CRADD: variants seen among roughly 807,000 people sequenced by gnomAD.
The protein encoded by CRADD is CARD and death domain containing adaptor protein, also known as death domain-containing protein CRADD.
In CRADD, 9 loss-of-function variants were observed where a neutral mutation model predicts 15.5. The observed-to-expected ratio is 0.58, with a 90% CI of 0.35 to 1.01. The LOEUF is 1.01. CRADD is among the 50% of genes least tolerant of loss of function. The probability of loss-of-function intolerance (pLI) is 0.02; values close to 1 mark genes in which losing one functional copy is unlikely to be tolerated. For synonymous variants in CRADD, 118 were observed against 107.6 expected, an observed-to-expected ratio of 1.10 and a Z score of -0.60; for missense variants, 227 against 250.3, an observed-to-expected ratio of 0.91 and a Z score of 0.63.
At chr12:93,731,873 ACGCCTGTAAT>A (rs1956470900) in intron 2 of CRADD, among the ~76,000 whole-genome samples, 2 of 152,222 alleles carry the variant, frequency 1.3e-5, no homozygotes, top group Admixed American at 1.3e-4. Flanking sequence ...GTGGTGGCTC[ACGCCTGTAAT>A]CCCAGCACTT....
chr12:93,846,829 A>C (rs1197008002), intron 2 of CRADD, among the ~76,000 whole-genome samples: 1 of 152,214 alleles, frequency 6.6e-6, no homozygotes, highest in African/African-American at 2.4e-5. Flanking sequence ...AGCCAGGCAC[A>C]GTGGCTCACG....
downstream of CRADD, among the ~76,000 whole-genome samples, chr12:93,854,094 T>C (rs1401421924): frequency 6.6e-6 from 1 of 152,220 alleles, no homozygotes; most frequent in Non-Finnish European, 1.5e-5. Flanking sequence ...CAAGATGTAA[T>C]GGCTTAAAAC....
intron 2 of CRADD, among the ~76,000 whole-genome samples, chr12:93,711,055 C>CCCCCCCCCCTCCTT: frequency 2.3e-5 from 1 of 43,508 alleles, no homozygotes. Flanking sequence ...CCACCCCCGC[C>CCCCCCCCCCTCCTT]TTTTTTTTTT....
At chr12:93,833,760 T>A (rs1168956356) in intron 2 of CRADD, among the ~76,000 whole-genome samples, 1 of 152,128 alleles carries the variant, frequency 6.6e-6, no homozygotes, top group East Asian at 1.9e-4. Context: ...CACATAAAAA[T>A]GTTATTTTTT....
At chr12:93,804,135 A>G (rs981692511) in intron 2 of CRADD, among the ~76,000 whole-genome samples, 2 of 152,082 alleles carry the variant, frequency 1.3e-5, no homozygotes, top group African/African-American at 4.8e-5. Flanking sequence ...CTAATACACC[A>G]TCCCATACAA....
chr12:93,720,715 A>T (rs939987703), intron 2 of CRADD, among the ~76,000 whole-genome samples: 1 of 152,180 alleles, frequency 6.6e-6, no homozygotes, highest in African/African-American at 2.4e-5. Flanking sequence ...GCTATGTCTG[A>T]AATTACTGTA....
chr12:93,742,282 C>A (rs941576957), intron 2 of CRADD, among the ~76,000 whole-genome samples: 3 of 152,148 alleles, frequency 2.0e-5, no homozygotes, highest in Non-Finnish European at 4.4e-5. Context: ...TTTAATGTTT[C>A]TAGGGAACCC....
chr12:93,878,000 C>T (rs1958469369), intron 2 of CRADD, among the ~76,000 whole-genome samples: 1 of 152,174 alleles, frequency 6.6e-6, no homozygotes, highest in South Asian at 2.1e-4. Flanking sequence ...CCACCCAAGG[C>T]CCCCAACATA....
chr12:93,856,979 G>C (rs549139078), intron 2 of CRADD, among the ~76,000 whole-genome samples: 1 of 152,282 alleles, frequency 6.6e-6, no homozygotes, highest in Non-Finnish European at 1.5e-5. Flanking sequence ...TTGGCATTTA[G>C]TGTTCTTACA....
chr12:93,876,001 T>G (rs7958474), intron 2 of CRADD, among the ~76,000 whole-genome samples: 2,360 of 152,290 alleles, frequency 0.015, 67 homozygotes, highest in African/African-American at 0.054. Context: ...CTGGTGTTGA[T>G]GAAACCCCTC....
chr12:93,818,772 A>G (rs1206788575), intron 2 of CRADD, among the ~76,000 whole-genome samples: 1 of 152,226 alleles, frequency 6.6e-6, no homozygotes, highest in African/African-American at 2.4e-5. Context: ...GGAAAACCAC[A>G]GGGTGAGAGA....
At chr12:93,764,967 A>G (rs1250337135) in intron 2 of CRADD, among the ~76,000 whole-genome samples, 2 of 151,826 alleles carry the variant, frequency 1.3e-5, no homozygotes, top group Non-Finnish European at 2.9e-5. Context: ...GGAGGAATGA[A>G]CTCGAGATAA....
At chr12:93,706,705 A>G (rs1219690846) in intron 2 of CRADD, among the ~76,000 whole-genome samples, 2 of 152,220 alleles carry the variant, frequency 1.3e-5, no homozygotes, top group African/African-American at 4.8e-5. Flanking sequence ...GTACAAATAA[A>G]GGATGTTCTA....
At chr12:93,842,949 G>T (rs1404498796) in intron 2 of CRADD, among the ~76,000 whole-genome samples, 1 of 152,126 alleles carries the variant, frequency 6.6e-6, no homozygotes, top group Non-Finnish European at 1.5e-5. Flanking sequence ...GGGATTAAAA[G>T]ATTGCATGAA....
At chr12:93,768,691 G>T (rs1389356465) in intron 2 of CRADD, among the ~76,000 whole-genome samples, 4 of 151,974 alleles carry the variant, frequency 2.6e-5, no homozygotes, top group Non-Finnish European at 5.9e-5. Context: ...ACATTTTCTG[G>T]CAATATAACG....
intron 2 of CRADD, among the ~76,000 whole-genome samples, chr12:93,821,989 G>C (rs1593019223): frequency 6.6e-6 from 1 of 151,946 alleles, no homozygotes; most frequent in East Asian, 1.9e-4. Flanking sequence ...GTGGTGGTGG[G>C]CGCCTGCAAT....
chr12:93,886,510 A>C (rs1328316894), intron 2 of CRADD, among the ~76,000 whole-genome samples: 1 of 151,920 alleles, frequency 6.6e-6, no homozygotes, highest in Non-Finnish European at 1.5e-5. Context: ...TCAACTCCCC[A>C]CCCATAGGCA....
intron 2 of CRADD, among the ~76,000 whole-genome samples, chr12:93,783,911 G>T (rs1179525010): frequency 6.6e-6 from 1 of 152,178 alleles, no homozygotes; most frequent in African/African-American, 2.4e-5. Flanking sequence ...TGGTGGGCAT[G>T]TGCAGATGTG....
intron 2 of CRADD, among the ~76,000 whole-genome samples, chr12:93,704,486 T>C (rs1230476244): frequency 6.6e-6 from 1 of 152,186 alleles, no homozygotes; most frequent in African/African-American, 2.4e-5. Flanking sequence ...CCTACCCTCT[T>C]TCCTTCTGTA....
Sources: gnomAD v4.1 joint callset for allele counts (sites outside exome capture counted in the v4.1 genomes callset) on GRCh38, gnomAD v4.1.1 for gene constraint, MANE v1.5 for transcripts, NCBI Gene and HGNC (gene_info 2026-07-23, HGNC 2026-07-21) for gene names.